TRIM37: variants seen among roughly 807,000 people sequenced by gnomAD.
The protein encoded by TRIM37 is tripartite motif containing 37.
In TRIM37, 80 loss-of-function variants were observed where a neutral mutation model predicts 129.8. That is an observed-to-expected ratio of 0.62 (90% CI 0.51 to 0.74). TRIM37 has a LOEUF of 0.74. Ranked by LOEUF, TRIM37 falls within the 30% of genes least tolerant of loss-of-function variation. The pLI is 0.00. For synonymous variants in TRIM37, 389 were observed against 387.1 expected, an observed-to-expected ratio of 1.00 and a Z score of -0.06; for missense variants, 1,054 against 1,176.5, an observed-to-expected ratio of 0.90 and a Z score of 1.52.
In TRIM37 at chr17:58,998,688, T is replaced by G. The variant is rs1001602073; in HGVS notation, c.*689A>C. The G allele has an allele frequency of 1.0e-6, 1 of 985,318 alleles. No individual in the cohort carries two copies. Among genetic ancestry groups the G allele is most frequent in the African/African-American group, 1.7e-5 (1 of 57,226 alleles). The allele number at this position is 985,318 out of a possible 1,614,324, so 61.0% of individuals were successfully genotyped here. A position where few individuals can be genotyped will look rare whatever the true frequency, so the allele number is the denominator to read the frequency against. ...AAAGAATTTTAAATAATCTTACACG[T>G]GTCTACAGGGCCAGGAACGTAATGA... On this transcript the variant is annotated 3_prime_UTR_variant, in exon 24 of 24. Coordinates refer to ENST00000262294, the MANE Select transcript of TRIM37 (RefSeq NM_015294.6).
At chr17:59,088,460 A>G (rs2043973603) in intron 3 of TRIM37, 53 bp from the exon 4 acceptor site, 2 of 1,052,276 alleles carry the variant, frequency 1.9e-6, no homozygotes, top group East Asian at 4.8e-5. Flanking sequence ...AGATTATTTT[A>G]TAAAATAAAT....
chr17:59,021,996 GT>G (rs1431625396), intron 19 of TRIM37, among the ~76,000 whole-genome samples: 6 of 152,232 alleles, frequency 3.9e-5, no homozygotes, highest in African/African-American at 1.4e-4. Context: ...CTAACTCTGA[GT>G]TACTATACTA....
intron 17 of TRIM37, among the ~76,000 whole-genome samples, chr17:59,033,217 G>T (rs1351900292): frequency 1.3e-5 from 2 of 152,174 alleles, no homozygotes. Flanking sequence ...ATTTCAGAGA[G>T]ATCCAGCAGG....
rs147258414 is a variant in TRIM37 at position 58,991,107 on chromosome 17, G to A, written c.2892-8186C>T. 8.4e-4 allele frequency among the ~76,000 whole-genome samples: 126 copies of A among 150,542 alleles called. No individual in the cohort carries two copies. In the South Asian group the frequency reaches 0.019, roughly 23 times the overall value. ...GAAGAATCATTTAAACCCAGGAGGC[G>A]GAGGTTGCAGTGAGCTGAGATCGCA... On this transcript the variant is annotated intron_variant, in intron 24 of 24. Coordinates refer to the TRIM37 transcript ENST00000393066.
In TRIM37 at chr17:59,051,384, T is replaced by C; in HGVS notation, c.1200-56A>G. On this transcript the variant is annotated intron_variant, in intron 13 of 23. Transcript: ENST00000262294. ...AATTCAAATAGTAAAACATTATCAGTCTAGCACTGAATTCTGCAATTTGGG... is the reference window on the plus strand; with the variant it reads ...AATTCAAATAGTAAAACATTATCAGCCTAGCACTGAATTCTGCAATTTGGG... 2.4e-6 allele frequency: 3 copies of C among 1,256,316 alleles called. No individual in the cohort carries two copies. The Admixed American group carries it at 5.2e-5, about 22-fold the overall frequency. 77.8% of individuals were successfully genotyped at this position (1,256,316 alleles called of 1,614,324 possible).
intron 19 of TRIM37, among the ~76,000 whole-genome samples, chr17:59,021,610 G>A (rs1396472945): frequency 6.6e-6 from 1 of 151,968 alleles, no homozygotes; most frequent in Non-Finnish European, 1.5e-5. Flanking sequence ...TACAGCAATG[G>A]TTACCAGAGG....
At chr17:58,982,091 G>A (rs1320467195), downstream of TRIM37, 4 of 152,568 alleles carry the variant, frequency 2.6e-5, no homozygotes, top group Non-Finnish European at 4.4e-5. Context: ...TGAAAGTATT[G>A]TCTAAAGTGA....
chr17:59,105,671 T>C (rs2045928508), intron 1 of TRIM37, among the ~76,000 whole-genome samples: 2 of 152,172 alleles, frequency 1.3e-5, no homozygotes, highest in South Asian at 4.1e-4. Context: ...CATGACTCTG[T>C]AGGGCCAGAA....
chr17:59,088,462 A>G (rs1383371474), intron 3 of TRIM37, 55 bp from the exon 4 acceptor site: 2 of 1,061,816 alleles, frequency 1.9e-6, no homozygotes, highest in East Asian at 4.8e-5. Context: ...ATTATTTTAT[A>G]AAATAAATAC....
At chr17:59,015,484 T>C in intron 21 of TRIM37, 126 bp downstream of exon 21, 1 of 981,844 alleles carries the variant, frequency 1.0e-6, no homozygotes. Context: ...GTGCAATAAA[T>C]GTATTTTCTG....
intron 5 of TRIM37, among the ~76,000 whole-genome samples, chr17:59,082,311 T>C (rs547979907): frequency 6.6e-6 from 1 of 152,216 alleles, no homozygotes; most frequent in South Asian, 2.1e-4. Flanking sequence ...TAATTCTCCA[T>C]CTTCCCTCTC....
chr17:58,975,355 C>CA, the TRIM37 span, among the ~76,000 whole-genome samples: 1 of 152,146 alleles, frequency 6.6e-6, no homozygotes, highest in African/African-American at 2.4e-5. Context: ...TAATAAGTGA[C>CA]AATCTCAGAG....
intron 13 of TRIM37, 73 bp from the exon 14 acceptor site, chr17:59,051,401 C>T (rs1016525108): frequency 5.8e-5 from 63 of 1,085,640 alleles, no homozygotes; most frequent in Non-Finnish European, 8.4e-5. Flanking sequence ...CTGAATTCTG[C>T]AATTTGGGTT....
the TRIM37 span, among the ~76,000 whole-genome samples, chr17:58,969,956 A>T: frequency 4.6e-5 from 7 of 152,280 alleles, no homozygotes; most frequent in Non-Finnish European, 1.0e-4. Context: ...AATTTTCTGG[A>T]TTCATTTCTG....
intron 22 of TRIM37, among the ~76,000 whole-genome samples, chr17:59,002,779 A>G (rs2085187584): frequency 6.6e-6 from 1 of 152,202 alleles, no homozygotes; most frequent in African/African-American, 2.4e-5. Context: ...TGCCCTGGAG[A>G]GCTTCCTGTG....
the TRIM37 span, among the ~76,000 whole-genome samples, chr17:58,971,772 G>A: frequency 6.6e-6 from 1 of 152,244 alleles, no homozygotes; most frequent in South Asian, 2.1e-4. Flanking sequence ...GATTGGTATA[G>A]AGGATTTAGT....
At chr17:58,994,835 C>T (rs769384391), downstream of TRIM37, among the ~76,000 whole-genome samples, 7 of 151,596 alleles carry the variant, frequency 4.6e-5, no homozygotes, top group Non-Finnish European at 8.8e-5. Flanking sequence ...CTGCAACCTC[C>T]GCCTCACGGG....
intron 3 of TRIM37, among the ~76,000 whole-genome samples, chr17:59,089,335 T>C (rs987131225): frequency 6.6e-6 from 1 of 152,080 alleles, no homozygotes; most frequent in African/African-American, 2.4e-5. Flanking sequence ...CTCTTTTAAG[T>C]TAAAATTAAA....
chr17:59,030,546 C>T (rs1011648510), intron 18 of TRIM37, among the ~76,000 whole-genome samples: 1 of 152,174 alleles, frequency 6.6e-6, no homozygotes, highest in Non-Finnish European at 1.5e-5. Context: ...AGCATTTTAT[C>T]ACCTAAATTT....
Sources: gnomAD v4.1 joint callset for allele counts (sites outside exome capture counted in the v4.1 genomes callset) on GRCh38, gnomAD v4.1.1 for gene constraint, MANE v1.5 for transcripts, NCBI Gene and HGNC (gene_info 2026-07-23, HGNC 2026-07-21) for gene names.